CREB5: variants seen among roughly 807,000 people sequenced by gnomAD.
CREB5 encodes the protein cyclic AMP-responsive element-binding protein 5.
A neutral mutation model predicts 57.1 loss-of-function variants in CREB5; 19 were observed. The ratio of observed to expected loss-of-function variants is 0.33; its 90% CI spans 0.23 to 0.49. The LOEUF (loss-of-function observed/expected upper bound fraction) is 0.49, where lower values mean the gene tolerates loss of function less well. CREB5 is among the 20% of genes least tolerant of loss of function. The pLI is 0.99. For missense variants in CREB5, 579 were observed against 671.6 expected (o/e 0.86, Z 1.52); for synonymous variants, 238 against 238.3 (o/e 1.00, Z 0.01).
intron 1 of CREB5, among the ~76,000 whole-genome samples, chr7:28,311,138 CAAAAAA>C (rs58272820): frequency 8.5e-6 from 1 of 117,578 alleles, no homozygotes; most frequent in East Asian, 2.7e-4. Flanking sequence ...ACTAAAAATA[CAAAAAA>C]AAAAAAAAAA....
chr7:28,312,434 G>T lies in CREB5; in HGVS notation c.-25+12993G>T, dbSNP rs566654649. On this transcript the variant is annotated intron_variant, in intron 1 of 9. Transcript: ENST00000396299. ...AAGGAATGCTGGCAGGAGCTGAGGG[G>T]GCTCAGTGACAAGACCGGTGCAGCC... Among the ~76,000 whole-genome samples, 7 of 152,294 alleles carry T rather than the reference G, an allele frequency of 4.6e-5. No individual in the cohort carries two copies. In the South Asian group the frequency reaches 8.3e-4, roughly 18 times the overall value.
At chr7:28,566,181 G>A (rs1000077123) in intron 4 of CREB5, among the ~76,000 whole-genome samples, 1 of 152,164 alleles carries the variant, frequency 6.6e-6, no homozygotes, top group African/African-American at 2.4e-5. Context: ...AGATCCGGAT[G>A]TTTCACTTCT....
chr7:28,568,696 G>A lies in CREB5; in HGVS notation c.292-1669G>A, dbSNP rs144012121. Among the ~76,000 whole-genome samples, 1,186 of 152,232 alleles carry A rather than the reference G, an allele frequency of 7.8e-3. 9 individuals carry two copies. The highest frequency in any genetic ancestry group is 0.012 in the Admixed American group (179 of 15,286). On this transcript the variant is annotated intron_variant, in intron 4 of 10. Transcript: ENST00000357727. ...GTTCCTGCCTTTGGGGTCCCACAAC[G>A]ACACAGTAGGCTCACAGTCTAAGCC... is the stretch of plus-strand genomic sequence containing the variant.
intron 1 of CREB5, among the ~76,000 whole-genome samples, chr7:28,403,508 A>G (rs1787517040): frequency 6.6e-6 from 1 of 152,202 alleles, no homozygotes; most frequent in South Asian, 2.1e-4. Context: ...TCCTTGCAGT[A>G]TCCTAGGAGA....
At chr7:28,520,655 G>A (rs160341) in intron 4 of CREB5, among the ~76,000 whole-genome samples, 85,125 of 152,082 alleles carry the variant, frequency 0.56, 25,400 homozygotes, top group East Asian at 0.72. Flanking sequence ...TCATTGTAAA[G>A]GATTTTTAGA....
intron 5 of CREB5, among the ~76,000 whole-genome samples, chr7:28,679,502 C>A (rs1246334376): frequency 1.3e-5 from 2 of 152,098 alleles, no homozygotes; most frequent in Non-Finnish European, 2.9e-5. Context: ...GGGACGAAGA[C>A]CAGGTGAGCA....
intron 5 of CREB5, among the ~76,000 whole-genome samples, chr7:28,651,204 G>A (rs921035709): frequency 1.3e-5 from 2 of 151,736 alleles, no homozygotes; most frequent in African/African-American, 4.9e-5. Context: ...AATTTTTATT[G>A]AAAATCATAG....
At chr7:28,552,726 T>C (rs982526929) in intron 4 of CREB5, among the ~76,000 whole-genome samples, 1 of 152,158 alleles carries the variant, frequency 6.6e-6, no homozygotes, top group African/African-American at 2.4e-5. Flanking sequence ...GATGGGAAGA[T>C]GGAGAAAGAA....
chr7:28,816,055 GCACACACACACACACACA>G (rs34917973), intron 9 of CREB5, among the ~76,000 whole-genome samples: 1 of 145,258 alleles, frequency 6.9e-6, no homozygotes, highest in East Asian at 2.1e-4. Flanking sequence ...AAATATATAC[GCACACACACACACACACA>G]CACACACACA....
At chr7:28,798,514 G>C (rs1468914923) in intron 7 of CREB5, among the ~76,000 whole-genome samples, 1 of 152,230 alleles carries the variant, frequency 6.6e-6, no homozygotes, top group Non-Finnish European at 1.5e-5. Flanking sequence ...AAATTAAAGA[G>C]GGACCAGGGC....
chr7:28,432,245 T>C (rs966840817), intron 1 of CREB5, among the ~76,000 whole-genome samples: 1 of 152,184 alleles, frequency 6.6e-6, no homozygotes, highest in Non-Finnish European at 1.5e-5. Flanking sequence ...CCTTGGATCA[T>C]AGGGATTCCT....
chr7:28,322,949 AT>A (rs1213649117), intron 1 of CREB5, among the ~76,000 whole-genome samples: 10 of 152,078 alleles, frequency 6.6e-5, no homozygotes, highest in African/African-American at 2.2e-4. Flanking sequence ...CTAAGACCAT[AT>A]TCTTAGTCCC....
At chr7:28,312,192 A>AG (rs1785292104) in intron 1 of CREB5, among the ~76,000 whole-genome samples, 1 of 24,200 alleles carries the variant, frequency 4.1e-5, no homozygotes, top group Non-Finnish European at 1.3e-4. Context: ...GCTAATTGAT[A>AG]AAAAAAAAAA....
intron 7 of CREB5, among the ~76,000 whole-genome samples, chr7:28,796,692 C>T (rs1053867005): frequency 2.0e-5 from 3 of 152,224 alleles, no homozygotes; most frequent in African/African-American, 7.2e-5. Context: ...TTTAGACATT[C>T]ACCCAACTCA....
chr7:28,700,802 C>A (rs2128736951), intron 5 of CREB5, among the ~76,000 whole-genome samples: 1 of 152,182 alleles, frequency 6.6e-6, no homozygotes, highest in East Asian at 1.9e-4. Context: ...ATCTACCACA[C>A]AAGGGAGGAT....
chr7:28,770,492 T>C (rs558485554), intron 7 of CREB5, among the ~76,000 whole-genome samples: 2 of 152,330 alleles, frequency 1.3e-5, no homozygotes, highest in Admixed American at 1.3e-4. Context: ...TTTTTTTATA[T>C]GAGTGGGTAC....
intron 5 of CREB5, among the ~76,000 whole-genome samples, chr7:28,629,034 T>A (rs1798106948): frequency 2.0e-5 from 3 of 152,236 alleles, no homozygotes; most frequent in Non-Finnish European, 1.5e-5. Context: ...CCAAGTTGTC[T>A]GTTTAAACGG....
intron 7 of CREB5, among the ~76,000 whole-genome samples, chr7:28,738,887 A>C (rs1804184555): frequency 6.6e-6 from 1 of 152,204 alleles, no homozygotes; most frequent in Non-Finnish European, 1.5e-5. Context: ...TCATTCATTC[A>C]TCCTTTTCCT....
intron 5 of CREB5, among the ~76,000 whole-genome samples, chr7:28,638,071 A>G (rs929154888): frequency 3.3e-5 from 5 of 152,092 alleles, no homozygotes; most frequent in Admixed American, 6.6e-5. Flanking sequence ...TTGATTTATG[A>G]TTTTTAATTA....
Sources: gnomAD v4.1 joint callset for allele counts (sites outside exome capture counted in the v4.1 genomes callset) on GRCh38, gnomAD v4.1.1 for gene constraint, MANE v1.5 for transcripts, NCBI Gene and HGNC (gene_info 2026-07-23, HGNC 2026-07-21) for gene names.